The following ZMYM2 variants were observed in gnomAD, a reference collection of about 807,000 sequenced individuals.
ZMYM2 encodes the protein zinc finger MYM-type protein 2.
A neutral mutation model predicts 162.8 loss-of-function variants in ZMYM2; 56 were observed. The observed-to-expected ratio is 0.34, with a 90% CI of 0.28 to 0.43. The LOEUF (loss-of-function observed/expected upper bound fraction) is 0.43, where lower values mean the gene tolerates loss of function less well. ZMYM2 is among the 20% of genes least tolerant of loss of function. The probability of loss-of-function intolerance (pLI) is 1.00; values close to 1 mark genes in which losing one functional copy is unlikely to be tolerated. For synonymous variants in ZMYM2, 510 were observed against 541.6 expected, an observed-to-expected ratio of 0.94 and a Z score of 0.81; for missense variants, 1,275 against 1,621.8, an observed-to-expected ratio of 0.79 and a Z score of 3.67.
intron 2 of ZMYM2, among the ~76,000 whole-genome samples, chr13:19,987,346 A>G (rs762286970): frequency 2.0e-4 from 30 of 151,672 alleles, no homozygotes; most frequent in Non-Finnish European, 4.1e-4. Flanking sequence ...TCACGGCAGA[A>G]TCCACCTCCT....
chr13:19,893,211 T>A, the ZMYM2 span, among the ~76,000 whole-genome samples: 1 of 150,376 alleles, frequency 6.6e-6, no homozygotes, highest in African/African-American at 2.5e-5. Context: ...GGTGGGCCGA[T>A]CATGAGGTCA....
the ZMYM2 span, among the ~76,000 whole-genome samples, chr13:19,923,980 T>C: frequency 6.6e-6 from 1 of 152,026 alleles, no homozygotes; most frequent in African/African-American, 2.4e-5. Context: ...CATGGGACAT[T>C]TTTATGGTGT....
intron 14 of ZMYM2, among the ~76,000 whole-genome samples, chr13:20,058,330 T>C (rs1036444412): frequency 6.6e-6 from 1 of 152,224 alleles, no homozygotes; most frequent in African/African-American, 2.4e-5. Context: ...ATTCTGATGG[T>C]ATCCTTTGAA....
At chr13:19,983,122 G>A (rs1456890794) in intron 2 of ZMYM2, among the ~76,000 whole-genome samples, 1 of 150,014 alleles carries the variant, frequency 6.7e-6, no homozygotes, top group Non-Finnish European at 1.5e-5. Flanking sequence ...TGTATAATTT[G>A]TATATAATAT....
At chr13:19,905,080 C>T in the ZMYM2 span, among the ~76,000 whole-genome samples, 5 of 147,828 alleles carry the variant, frequency 3.4e-5, no homozygotes, top group African/African-American at 5.0e-5. Flanking sequence ...GGCACGATCT[C>T]GGCTCACTGC....
chr13:20,063,869 AAATATATAC>A (rs1956448083), intron 18 of ZMYM2, among the ~76,000 whole-genome samples: 2 of 145,202 alleles, frequency 1.4e-5, no homozygotes, highest in Non-Finnish European at 3.0e-5. Context: ...TATAATATAT[AAATATATAC>A]AATATATAAT....
chr13:20,017,342 G>A (rs1951711722), intron 6 of ZMYM2, among the ~76,000 whole-genome samples: 1 of 152,158 alleles, frequency 6.6e-6, no homozygotes, highest in African/African-American at 2.4e-5. Context: ...GTTTCTCTAG[G>A]CTGCTATTTC....
intron 5 of ZMYM2, 45 bp from the exon 6 acceptor site, chr13:20,006,329 G>T: frequency 1.3e-6 from 2 of 1,497,628 alleles, no homozygotes; most frequent in African/African-American, 1.4e-5. Context: ...TTAGCTACTT[G>T]TCAGATTGAT....
chr13:19,877,573 G>A, the ZMYM2 span, among the ~76,000 whole-genome samples: 1 of 152,162 alleles, frequency 6.6e-6, no homozygotes, highest in African/African-American at 2.4e-5. Flanking sequence ...CTACATTGGG[G>A]AACAGATTTC....
At chr13:19,886,826 T>TG in the ZMYM2 span, among the ~76,000 whole-genome samples, 2 of 151,280 alleles carry the variant, frequency 1.3e-5, no homozygotes, top group Non-Finnish European at 2.9e-5. Flanking sequence ...ATTTTTTTTT[T>TG]AATTTTTAAT....
intron 21 of ZMYM2, among the ~76,000 whole-genome samples, chr13:20,081,155 C>A (rs369300896): frequency 6.6e-6 from 1 of 152,098 alleles, no homozygotes; most frequent in African/African-American, 2.4e-5. Context: ...TTTTGTGATT[C>A]CACTTTATTT....
At chr13:20,061,357 TGTTTTTTATATTA>T in intron 17 of ZMYM2, 133 bp downstream of exon 17, 1 of 845,026 alleles carries the variant, frequency 1.2e-6, no homozygotes, top group Non-Finnish European at 1.6e-6. Flanking sequence ...GTAACAAAAA[TGTTTTTTATATTA>T]AGAGATCTAC....
At chr13:19,906,536 A>AT in the ZMYM2 span, among the ~76,000 whole-genome samples, 342 of 5,172 alleles carry the variant, frequency 0.066, 1 homozygote, top group Non-Finnish European at 0.31. Flanking sequence ...ATATATATAT[A>AT]TATTTTTTTT....
the ZMYM2 span, among the ~76,000 whole-genome samples, chr13:19,931,351 G>A: frequency 9.9e-5 from 15 of 152,028 alleles, no homozygotes; most frequent in South Asian, 3.1e-3. Context: ...TTCATATAGA[G>A]ATATTATTGG....
At chr13:19,910,461 T>G in the ZMYM2 span, among the ~76,000 whole-genome samples, 55 of 151,182 alleles carry the variant, frequency 3.6e-4, 1 homozygote, top group African/African-American at 1.3e-3. Flanking sequence ...AATGTTAGAG[T>G]GGATTTGTCA....
At chr13:19,989,106 T>TC (rs1949404981) in intron 2 of ZMYM2, among the ~76,000 whole-genome samples, 3 of 152,098 alleles carry the variant, frequency 2.0e-5, no homozygotes, top group Admixed American at 6.6e-5. Flanking sequence ...AGAGTTTTTT[T>TC]CCCCCCATGA....
chr13:19,999,968 T>C (rs140037313), intron 3 of ZMYM2, among the ~76,000 whole-genome samples: 132 of 152,250 alleles, frequency 8.7e-4, no homozygotes, highest in Non-Finnish European at 2.6e-4. Context: ...TGGTTAATTT[T>C]TAAAAAATAT....
upstream of ZMYM2, among the ~76,000 whole-genome samples, chr13:19,954,795 C>T (rs545961764): frequency 9.2e-5 from 14 of 151,664 alleles, no homozygotes; most frequent in Non-Finnish European, 1.9e-4. Context: ...TCAGTGTTTC[C>T]ATTGTTAAAA....
At chr13:20,007,681 C>A (rs1239272762) in intron 6 of ZMYM2, among the ~76,000 whole-genome samples, 1 of 142,760 alleles carries the variant, frequency 7.0e-6, no homozygotes, top group African/African-American at 2.6e-5. Flanking sequence ...AGTGCATTGG[C>A]GTAATTTTGG....
Sources: allele counts gnomAD v4.1 joint callset (sites outside exome capture counted in the v4.1 genomes callset), GRCh38; gene constraint gnomAD v4.1.1; transcripts MANE v1.5; gene names NCBI Gene and HGNC (gene_info 2026-07-23, HGNC 2026-07-21).